IL17RA: variants seen among roughly 807,000 people sequenced by gnomAD.
IL17RA encodes the protein interleukin-17 receptor A.
In IL17RA, 34 loss-of-function variants were observed where a neutral mutation model predicts 50.4. The ratio of observed to expected loss-of-function variants is 0.67; its 90% confidence interval spans 0.51 to 0.90. The LOEUF (loss-of-function observed/expected upper bound fraction) is 0.90. IL17RA is among the 40% of genes least tolerant of loss of function. The pLI is 0.00. For missense variants in IL17RA, 1,276 were observed against 1,169.8 expected, an observed-to-expected ratio of 1.09 and a Z score of -1.32; for synonymous variants, 585 against 510.4, an observed-to-expected ratio of 1.15 and a Z score of -1.97.
Position 17,109,449 on chromosome 22 carries a change from G to A in IL17RA, c.2230G>A (p.Val744Met), listed in dbSNP as rs751031767. The A allele has an allele frequency of 3.7e-6, 6 of 1,613,342 alleles. No homozygotes were observed. Among genetic ancestry groups the A allele is most frequent in the South Asian group, 2.2e-5 (2 of 91,018 alleles). The change falls in exon 13 of 13, where the codon GTG (valine) becomes ATG (methionine). Residue 744 changes from valine (V) to methionine (M), a missense_variant. By Grantham distance (21) the Val-to-Met change is conservative. Transcript: ENST00000319363. ...MASPDLLPED[V>M]REHLEGLMLS... is the part of the protein sequence containing the mutation. ...GTCTCCTGACCTCCTTCCAGAGGACGTGAGGGAGCACCTCGAAGGCTTGAT... is the reference window on the plus strand; with the variant it reads ...GTCTCCTGACCTCCTTCCAGAGGACATGAGGGAGCACCTCGAAGGCTTGAT...
Position 17,085,099 on chromosome 22 carries a change from C to T in IL17RA, c.8C>T (p.Ala3Val), listed in dbSNP as rs567320041. The change falls in exon 1 of 13, where the codon GCC (alanine) becomes GTC (valine). Residue 3 changes from alanine (A) to valine (V), a missense_variant. Coordinates refer to ENST00000319363, the MANE Select transcript of IL17RA (RefSeq NM_014339.7). MG[A>V]ARSPPSAVPG... is the part of the protein sequence containing the mutation. ...CGCGACGCCAGCCGGGCCATGGGGG[C>T]CGCACGCAGCCCGCCGTCCGCTGTC... 2.4e-5 allele frequency: 32 copies of T among 1,357,238 alleles called. No individual in the cohort carries two copies. The African/African-American group carries it at 2.9e-4, about 12-fold the overall frequency. 84.1% of individuals were successfully genotyped at this position (1,357,238 alleles called of 1,614,324 possible).
At position 17,115,146 on chromosome 22, in the gene IL17RA, T is replaced by C. The variant is rs1243067336; in HGVS notation, c.*5326T>C. 4 of 152,258 alleles carry C rather than the reference T, an allele frequency of 2.6e-5. No homozygotes were observed. Among genetic ancestry groups the C allele is most frequent in the Non-Finnish European group, 5.9e-5 (4 of 68,048 alleles). 9.4% of individuals were successfully genotyped at this position (152,258 alleles called of 1,614,324 possible). On this transcript the variant is annotated 3_prime_UTR_variant, in exon 13 of 13. Transcript: ENST00000319363. Reference sequence around the variant, plus strand: ...AAACCAAAATCGGTGAGCGCCAGCTTGCTTCCCTAGAAGACATTTCTAAAT... The same window carrying C: ...AAACCAAAATCGGTGAGCGCCAGCTCGCTTCCCTAGAAGACATTTCTAAAT...
At position 17,113,528 on chromosome 22, in the gene IL17RA, G is replaced by T. The variant is rs74634517; in HGVS notation, c.*3708G>T. ...TGTTTATCTTTGAAAATTAAATAGG[G>T]CATAAGAGAGAAGAAGATGTACTTA... On this transcript the variant is annotated 3_prime_UTR_variant, in exon 13 of 13. Transcript: ENST00000319363. The T allele has an allele frequency of 1.3e-4, 20 of 152,392 alleles. No homozygotes were observed. In the East Asian group the frequency reaches 2.5e-3, roughly 19 times the overall value. 9.4% of individuals were successfully genotyped at this position (152,392 alleles called of 1,614,324 possible). A position where few individuals can be genotyped will look rare whatever the true frequency, so the allele number is the denominator to read the frequency against.
At chr22:17,098,361 TTGGGGCTTA>T (rs2123798570) in intron 3 of IL17RA, among the ~76,000 whole-genome samples, 1 of 152,338 alleles carries the variant, frequency 6.6e-6, no homozygotes, top group South Asian at 2.1e-4. Flanking sequence ...ATTGGGACGA[TTGGGGCTTA>T]TGAGCACTAG....
rs1265392145 is a variant in IL17RA at position 17,110,022 on chromosome 22, G to A, written c.*202G>A. On this transcript the variant is annotated 3_prime_UTR_variant, in exon 13 of 13. Transcript: ENST00000319363. ...GGTCTGGTTATCGTCTATCCCCAGG[G>A]GAATCCACACAGCCCGCTCCCAGGA... 3.3e-6 allele frequency: 2 copies of A among 613,330 alleles called. No homozygotes were observed. The highest frequency in any genetic ancestry group is 3.7e-5 in the African/African-American group (2 of 54,098). The allele number at this position is 613,330 out of a possible 1,614,324, so 38.0% of individuals were successfully genotyped here. A position where few individuals can be genotyped will look rare whatever the true frequency, so the allele number is the denominator to read the frequency against.
Position 17,112,252 on chromosome 22 carries a change from A to G in IL17RA, c.*2432A>G, listed in dbSNP as rs1312336410. The stretch of plus-strand genomic sequence containing the variant: ...GTAAATGTCCTGATGGGCATTGCCT[A>G]CTATCTCCAGGGCAGCTGCCTTTGT... On this transcript the variant is annotated 3_prime_UTR_variant, in exon 13 of 13. Coordinates refer to ENST00000319363, the MANE Select transcript of IL17RA (RefSeq NM_014339.7). 1 of 152,122 alleles carries G rather than the reference A, an allele frequency of 6.6e-6. No homozygotes were observed. Among genetic ancestry groups the G allele is most frequent in the Non-Finnish European group, 1.5e-5 (1 of 68,038 alleles). The allele number at this position is 152,122 out of a possible 1,614,324, so 9.4% of individuals were successfully genotyped here.
intron 11 of IL17RA, among the ~76,000 whole-genome samples, 185 bp downstream of exon 11, chr22:17,106,139 T>C (rs1469514104): frequency 2.6e-5 from 4 of 152,390 alleles, no homozygotes; most frequent in Non-Finnish European, 5.9e-5. Flanking sequence ...TGGCATGTGC[T>C]ATTTGCACAG....
chr22:17,101,800 C>T (rs1256442421), intron 5 of IL17RA, among the ~76,000 whole-genome samples, 196 bp from the exon 6 acceptor site: 1 of 152,198 alleles, frequency 6.6e-6, no homozygotes, highest in Non-Finnish European at 1.5e-5. Flanking sequence ...CAGGAGGGTT[C>T]CCCGAGAGAT....
At chr22:17,093,956 T>G (rs1187537868) in intron 1 of IL17RA, 1 of 148,514 alleles carries the variant, frequency 6.7e-6, no homozygotes, top group Non-Finnish European at 1.5e-5. Context: ...GAATAGCCCT[T>G]TTATTTTATT....
intron 1 of IL17RA, among the ~76,000 whole-genome samples, chr22:17,091,152 A>T (rs1271813353): frequency 3.9e-5 from 6 of 152,206 alleles, no homozygotes; most frequent in Non-Finnish European, 8.8e-5. Context: ...ATTTTGCTGG[A>T]GAATATCATC....
rs2061432466 is a variant in IL17RA at position 17,109,700 on chromosome 22, A to G, written c.2481A>G (p.Pro827=). 1 of 1,593,380 alleles carries G rather than the reference A, an allele frequency of 6.3e-7. No homozygotes were observed. The highest frequency in any genetic ancestry group is 8.5e-7 in the Non-Finnish European group (1 of 1,170,950). The change falls in exon 13 of 13, where the codon CCA becomes CCG. Residue 827 remains proline, a synonymous_variant. Transcript: ENST00000319363. ...AGGACCCAGGGAAGCCGGCCCTGCC[A>G]CTCTCTCCCGAGGACCTGGAGAGCC... ...EEQDPGKPAL[P]LSPEDLESLR... is the part of the protein sequence containing the mutation.
At chr22:17,094,677 C>CTATATATATA (rs1568917424) in intron 1 of IL17RA, among the ~76,000 whole-genome samples, 3 of 49,346 alleles carry the variant, frequency 6.1e-5, no homozygotes, top group African/African-American at 3.0e-4. Flanking sequence ...CTCTCTCTCT[C>CTATATATATA]TCTCTCTCTC....
intron 1 of IL17RA, among the ~76,000 whole-genome samples, chr22:17,092,008 G>A (rs534294420): frequency 6.6e-6 from 1 of 152,294 alleles, no homozygotes; most frequent in Admixed American, 6.5e-5. Context: ...CTTCAGGATG[G>A]GGGCTGGTCC....
At chr22:17,107,201 TG>T (rs2061418168) in intron 11 of IL17RA, among the ~76,000 whole-genome samples, 1 of 152,174 alleles carries the variant, frequency 6.6e-6, no homozygotes, top group Non-Finnish European at 1.5e-5. Flanking sequence ...GGGCTGCTTC[TG>T]GAAAGAAGTG....
intron 1 of IL17RA, among the ~76,000 whole-genome samples, chr22:17,087,276 A>T (rs931692974): frequency 1.3e-5 from 2 of 152,220 alleles, no homozygotes; most frequent in Admixed American, 6.5e-5. Flanking sequence ...GCAGCATCGC[A>T]CTTACTGTCT....
chr22:17,094,691 C>CTCTCTCTATATATA (rs1448096911), intron 1 of IL17RA, among the ~76,000 whole-genome samples: 6 of 24,702 alleles, frequency 2.4e-4, no homozygotes, highest in African/African-American at 9.0e-4. Context: ...CTCTCTCTCT[C>CTCTCTCTATATATA]TATATATATA....
chr22:17,108,600 C>CG lies in IL17RA; in HGVS notation c.1387dup (p.Ala463GlyfsTer48), dbSNP rs755093612. On this transcript the variant is annotated frameshift_variant, in exon 13 of 13. Transcript: ENST00000319363. LOFTEE classifies it low-confidence loss of function (END_TRUNC). ...CGCCAAGTGGCAGGCGCTCCTGGGC[C>CG]GGGGGGCGCCTGTGCGGCTGCGCTG... The CG allele has an allele frequency of 1.9e-6, 3 of 1,604,566 alleles. No homozygotes were observed. The highest frequency in any genetic ancestry group is 2.5e-6 in the Non-Finnish European group (3 of 1,179,538).
Position 17,089,498 on chromosome 22 carries a change from A to G in IL17RA, c.138+4269A>G, listed in dbSNP as rs140938765. 5.1e-4 allele frequency among the ~76,000 whole-genome samples: 77 copies of G among 152,328 alleles called. 1 individual carries two copies. In the East Asian group the frequency reaches 0.015, roughly 29 times the overall value. ...AGCTGCCATCACCTTCATTGTCATG[A>G]CAATCCCCCCTCTGATTTCTGCAAG... On this transcript the variant is annotated intron_variant, in intron 1 of 12. Coordinates refer to ENST00000319363, the MANE Select transcript of IL17RA (RefSeq NM_014339.7).
Position 17,100,531 on chromosome 22 carries a change from G to A in IL17RA, c.550+50G>A, listed in dbSNP as rs760257438. The A allele has an allele frequency of 5.6e-6, 9 of 1,607,382 alleles. No homozygotes were observed. In the East Asian group the frequency reaches 1.8e-4, roughly 32 times the overall value. On this transcript the variant is annotated intron_variant, in intron 5 of 12. Transcript: ENST00000319363. ...CCCTCCCCAATGGCCTCTGTGAGAA[G>A]GAAGCACCAGGTGGCACAGATGCCA...
Sources: gnomAD v4.1 joint callset for allele counts (sites outside exome capture counted in the v4.1 genomes callset) on GRCh38, gnomAD v4.1.1 for gene constraint, MANE v1.5 for transcripts, NCBI Gene and HGNC (gene_info 2026-07-23, HGNC 2026-07-21) for gene names.